Variants in COL28A1 observed in about 807,000 individuals in gnomAD.
The protein encoded by COL28A1 is collagen alpha-1(XXVIII) chain.
A neutral mutation model predicts 150.2 loss-of-function variants in COL28A1; 161 were observed. That is an observed-to-expected ratio of 1.07 (90% CI 0.94 to 1.22). The LOEUF (loss-of-function observed/expected upper bound fraction) is 1.22, where lower values mean the gene tolerates loss of function less well. Among genes scored for constraint, COL28A1 ranks in the 50% most tolerant of loss-of-function variants. COL28A1 has a pLI of 0.00. For synonymous variants in COL28A1, 552 were observed against 469.7 expected, an observed-to-expected ratio of 1.18 and a Z score of -2.26; for missense variants, 1,617 against 1,388.3, an observed-to-expected ratio of 1.16 and a Z score of -2.62.
intron 18 of COL28A1, among the ~76,000 whole-genome samples, chr7:7,448,170 T>G (rs1261041799): frequency 1.3e-5 from 2 of 152,154 alleles, no homozygotes; most frequent in African/African-American, 4.8e-5. Context: ...ATGAAAACTA[T>G]AACTCATAGA....
Position 7,514,873 on chromosome 7 carries a change from C to T in COL28A1, c.882+941G>A, listed in dbSNP as rs555253880. On this transcript the variant is annotated intron_variant, in intron 8 of 34. Coordinates refer to ENST00000399429, the MANE Select transcript of COL28A1 (RefSeq NM_001037763.3). ...CCTGCCCCAACAAACAGCTACCATT[C>T]GGCTCCCCCTCCAGCCTAGGAAAAT... is the stretch of plus-strand genomic sequence containing the variant. Among the ~76,000 whole-genome samples, 18 of 152,208 alleles carry T rather than the reference C, an allele frequency of 1.2e-4. No individual in the cohort carries two copies. In the South Asian group the frequency reaches 1.9e-3, roughly 16 times the overall value.
chr7:7,394,274 A>C (rs2128295690), intron 27 of COL28A1, among the ~76,000 whole-genome samples: 1 of 152,100 alleles, frequency 6.6e-6, no homozygotes, highest in Admixed American at 6.5e-5. Flanking sequence ...CCACTGTCTA[A>C]CCAGTCCCAG....
chr7:7,478,046 G>A (rs1454649172), intron 13 of COL28A1, among the ~76,000 whole-genome samples: 1 of 152,070 alleles, frequency 6.6e-6, no homozygotes, highest in Non-Finnish European at 1.5e-5. Flanking sequence ...AGTGCTGATT[G>A]GCGCATTTAC....
rs1047840235 is a variant in COL28A1, at chr7:7,465,497, T to A, written c.1302+9104A>T. Among the ~76,000 whole-genome samples, 1,074 of 137,436 alleles carry A rather than the reference T, an allele frequency of 7.8e-3. 9 individuals carry two copies. Among genetic ancestry groups the A allele is most frequent in the Non-Finnish European group, 0.012 (742 of 63,428 alleles). The allele number at this position is 137,436 out of a possible 152,430, so 90.2% of individuals were successfully genotyped here. A position where few individuals can be genotyped will look rare whatever the true frequency, so the allele number is the denominator to read the frequency against. On this transcript the variant is annotated intron_variant, in intron 15 of 34. Coordinates refer to ENST00000399429, the MANE Select transcript of COL28A1 (RefSeq NM_001037763.3). ...TGATTGCTAGCACAGCAGTCTGAGA[T>A]CAAACTGCAAGGCGGCAACGAGGCT...
At position 7,370,903 on chromosome 7, in the gene COL28A1, AAG is replaced by A. The variant is rs751392072; in HGVS notation, c.2909-23_2909-22del. On this transcript the variant is annotated intron_variant, in intron 32 of 34. Coordinates refer to ENST00000399429, the MANE Select transcript of COL28A1 (RefSeq NM_001037763.3). ...GGTGTCTTTTAAAAAAGAAGTAGAAAAGAGAGATAGTAGAAGCAATGAAACAA... is the reference window on the plus strand; with the variant it reads ...GGTGTCTTTTAAAAAAGAAGTAGAAAAGAGATAGTAGAAGCAATGAAACAA... The A allele has an allele frequency of 1.4e-5, 21 of 1,535,262 alleles. No individual in the cohort carries two copies. The Admixed American group carries it at 2.2e-4, about 16-fold the overall frequency.
chr7:7,480,110 A>G lies in COL28A1; in HGVS notation c.1165-2930T>C, dbSNP rs1789266583. Among the ~76,000 whole-genome samples, 4 of 152,306 alleles carry G rather than the reference A, an allele frequency of 2.6e-5. No homozygotes were observed. The South Asian group carries it at 8.3e-4, about 32-fold the overall frequency. The stretch of plus-strand genomic sequence containing the variant: ...GAGATACAGTAATCCAGGGTGATTT[A>G]AGACGCTTTTCTCCTCAAGCCCAGT... On this transcript the variant is annotated intron_variant, in intron 13 of 34. Transcript: ENST00000399429.
At chr7:7,339,087 G>C in the COL28A1 span, among the ~76,000 whole-genome samples, 21 of 152,222 alleles carry the variant, frequency 1.4e-4, no homozygotes, top group East Asian at 1.5e-3. Context: ...GGCTCAGACT[G>C]ACAGAAACAA....
At chr7:7,434,896 G>A (rs977254159) in intron 23 of COL28A1, among the ~76,000 whole-genome samples, 1 of 152,138 alleles carries the variant, frequency 6.6e-6, no homozygotes, top group Non-Finnish European at 1.5e-5. Flanking sequence ...TGGAAACCTA[G>A]TATTTTGAAA....
At position 7,506,042 on chromosome 7, in the gene COL28A1, G is replaced by T. The variant is rs776793877; in HGVS notation, c.998C>A (p.Pro333Gln). 1 of 1,477,376 alleles carries T rather than the reference G, an allele frequency of 6.8e-7. No individual in the cohort carries two copies. Among genetic ancestry groups the T allele is most frequent in the Non-Finnish European group, 9.5e-7 (1 of 1,055,382 alleles). 91.5% of individuals were successfully genotyped at this position (1,477,376 alleles called of 1,614,324 possible). The change falls in exon 11 of 35, where the codon CCA (proline) becomes CAA (glutamine). Residue 333 changes from proline (P) to glutamine (Q), a missense_variant. By Grantham distance (76) the Pro-to-Gln change is moderately conservative. Coordinates refer to ENST00000399429, the MANE Select transcript of COL28A1 (RefSeq NM_001037763.3). Reference sequence around the variant, plus strand: ...ATTGCCTTGAAACCCCTTTGGGCCTGGGTCTCCTGGAGGTCCAGTAATTCC... The same window carrying T: ...ATTGCCTTGAAACCCCTTTGGGCCTTGGTCTCCTGGAGGTCCAGTAATTCC... ...IQGITGPPGD[P>Q]GPKGFQGNKG...
intron 27 of COL28A1, among the ~76,000 whole-genome samples, chr7:7,399,449 C>T (rs1319075290): frequency 2.6e-5 from 4 of 152,150 alleles, no homozygotes; most frequent in African/African-American, 9.7e-5. Context: ...AGCCTTTCTA[C>T]CTTCAGAGTG....
chr7:7,514,888 C>T lies in COL28A1; in HGVS notation c.882+926G>A, dbSNP rs368021590. 1.2e-4 allele frequency among the ~76,000 whole-genome samples: 19 copies of T among 152,258 alleles called. No individual in the cohort carries two copies. In the East Asian group the frequency reaches 1.9e-3, roughly 16 times the overall value. On this transcript the variant is annotated intron_variant, in intron 8 of 34. Transcript: ENST00000399429. Reference sequence around the variant, plus strand: ...AGCTACCATTCGGCTCCCCCTCCAGCCTAGGAAAATGATGGATATGGAAAG... The same window carrying T: ...AGCTACCATTCGGCTCCCCCTCCAGTCTAGGAAAATGATGGATATGGAAAG...
the COL28A1 span, among the ~76,000 whole-genome samples, chr7:7,541,675 A>T: frequency 9.7e-3 from 1,480 of 152,300 alleles, 12 homozygotes; most frequent in Non-Finnish European, 0.016. Context: ...ATCGTCTGTG[A>T]TGCTGAACGG....
chr7:7,368,906 C>A lies in COL28A1; in HGVS notation c.3066+1819G>T, dbSNP rs191207247. On this transcript the variant is annotated intron_variant, in intron 33 of 34. Coordinates refer to ENST00000399429, the MANE Select transcript of COL28A1 (RefSeq NM_001037763.3). ...CTCTGTGCTTCCTTCATAGCTCTGG[C>A]TAAAATTCATAATGCATCTTGTACT... Among the ~76,000 whole-genome samples the A allele has an allele frequency of 2.2e-3, 342 of 152,298 alleles. 1 individual carries two copies. Among genetic ancestry groups the A allele is most frequent in the Non-Finnish European group, 3.6e-3 (246 of 68,034 alleles).
rs779424655 is a variant in COL28A1, at chr7:7,531,772, G to T, written c.257C>A (p.Ser86Tyr). Reference sequence around the variant, plus strand: ...TGCCAGTTTGATGTCATATTCCAAGGAGCGACCAGGAGTCAATTGGAAAAT... The same window carrying T: ...TGCCAGTTTGATGTCATATTCCAAGTAGCGACCAGGAGTCAATTGGAAAAT... ...DKIFQLTPGR[S>Y]LEYDIKLAAL... The change falls in exon 3 of 35, where the codon TCC (serine) becomes TAC (tyrosine). Residue 86 changes from serine to tyrosine, a missense_variant. Coordinates refer to ENST00000399429, the MANE Select transcript of COL28A1 (RefSeq NM_001037763.3). 7.5e-6 allele frequency: 12 copies of T among 1,606,706 alleles called. No individual in the cohort carries two copies. The highest frequency in any genetic ancestry group is 1.3e-5 in the African/African-American group (1 of 74,864).
At chr7:7,342,019 C>T in the COL28A1 span, among the ~76,000 whole-genome samples, 9 of 152,046 alleles carry the variant, frequency 5.9e-5, no homozygotes, top group Non-Finnish European at 8.8e-5. Flanking sequence ...GTGTGTTATT[C>T]TTTCAGTTAC....
In COL28A1 at chr7:7,370,730, C is replaced by A; in HGVS notation, c.3061G>T (p.Glu1021Ter). ...STPEPQKEIS[E>*]SLSVTRDQDE... The stretch of plus-strand genomic sequence containing the variant: ...TAAGTGAGACAGTTACTTACTGACT[C>A]AGAAATTTCTTTTTGAGGCTCTGGA... Residue 1021 changes from glutamate to a stop codon, truncating the protein, a stop_gained, in exon 33 of 35, where the codon GAG becomes TAG. Coordinates refer to ENST00000399429, the MANE Select transcript of COL28A1 (RefSeq NM_001037763.3). LOFTEE classifies it high-confidence loss of function. 2 of 1,609,734 alleles carry A rather than the reference C, an allele frequency of 1.2e-6. No homozygotes were observed. The highest frequency in any genetic ancestry group is 1.7e-6 in the Non-Finnish European group (2 of 1,178,384).
intron 30 of COL28A1, among the ~76,000 whole-genome samples, chr7:7,378,745 A>C (rs115370943): frequency 0.015 from 2,273 of 152,216 alleles, 51 homozygotes; most frequent in African/African-American, 0.051. Context: ...GTAATGTCCA[A>C]CCTGACTTGT....
At chr7:7,451,382 C>T (rs923989509) in intron 18 of COL28A1, among the ~76,000 whole-genome samples, 1 of 151,958 alleles carries the variant, frequency 6.6e-6, no homozygotes, top group Non-Finnish European at 1.5e-5. Context: ...CGCATCAATA[C>T]GCCCAGCTAA....
chr7:7,345,936 C>T, the COL28A1 span, among the ~76,000 whole-genome samples: 1 of 152,174 alleles, frequency 6.6e-6, no homozygotes, highest in Middle Eastern at 3.4e-3. Context: ...TCTGTTTTCA[C>T]ATATAGACTA....
Sources: allele counts gnomAD v4.1 joint callset (sites outside exome capture counted in the v4.1 genomes callset), GRCh38; gene constraint gnomAD v4.1.1; transcripts MANE v1.5; gene names NCBI Gene and HGNC (gene_info 2026-07-23, HGNC 2026-07-21).